GMEB2: variants seen among roughly 807,000 people sequenced by gnomAD.
GMEB2 encodes the protein glucocorticoid modulatory element-binding protein 2.
A neutral mutation model predicts 45.7 loss-of-function variants in GMEB2; 7 were observed. The ratio of observed to expected loss-of-function variants is 0.15; its 90% CI spans 0.09 to 0.29. GMEB2 has a LOEUF of 0.29. GMEB2 is among the 10% of genes least tolerant of loss of function. The pLI is 1.00. For missense variants in GMEB2, 582 were observed against 739.2 expected, an observed-to-expected ratio of 0.79 and a Z score of 2.47; for synonymous variants, 322 against 323.6, an observed-to-expected ratio of 1.00 and a Z score of 0.05.
intron 2 of GMEB2, among the ~76,000 whole-genome samples, chr20:63,616,065 T>C (rs887477579): frequency 6.6e-6 from 1 of 152,222 alleles, no homozygotes; most frequent in African/African-American, 2.4e-5. Flanking sequence ...GAAATAATTT[T>C]CTACCATATA....
chr20:63,615,905 CAT>C (rs1224934010), intron 2 of GMEB2, among the ~76,000 whole-genome samples: 2 of 152,138 alleles, frequency 1.3e-5, no homozygotes, highest in Admixed American at 1.3e-4. Context: ...AAGAAAAATT[CAT>C]ATGTTTCGAT....
chr20:63,606,204 G>A (rs979076898), intron 2 of GMEB2, among the ~76,000 whole-genome samples: 6 of 151,628 alleles, frequency 4.0e-5, no homozygotes, highest in Non-Finnish European at 5.9e-5. Flanking sequence ...GTATTAGAAG[G>A]AAAAAAATAA....
At chr20:63,623,193 A>G (rs1393797847) in intron 1 of GMEB2, among the ~76,000 whole-genome samples, 2 of 152,220 alleles carry the variant, frequency 1.3e-5, no homozygotes, top group Non-Finnish European at 2.9e-5. Flanking sequence ...TTACAAATTA[A>G]GAACATCCTG....
At chr20:63,599,792 C>A (rs889478962) in intron 4 of GMEB2, among the ~76,000 whole-genome samples, 1 of 152,198 alleles carries the variant, frequency 6.6e-6, no homozygotes, top group Non-Finnish European at 1.5e-5. Context: ...CACGTGCGTT[C>A]CGGACTCACT....
At chr20:63,595,997 G>T (rs1196118941) in intron 5 of GMEB2, among the ~76,000 whole-genome samples, 1 of 152,226 alleles carries the variant, frequency 6.6e-6, no homozygotes, top group Non-Finnish European at 1.5e-5. Flanking sequence ...CTGTCCCCAG[G>T]AAGGGGGCAA....
At chr20:63,614,301 T>A (rs866214669) in intron 2 of GMEB2, among the ~76,000 whole-genome samples, 1 of 151,926 alleles carries the variant, frequency 6.6e-6, no homozygotes, top group Non-Finnish European at 1.5e-5. Flanking sequence ...TAGGAAAAAC[T>A]AGGCCATACA....
rs983023715 is a variant in GMEB2 at position 63,604,221 on chromosome 20, T to C, written c.229+522A>G. Among the ~76,000 whole-genome samples the C allele has an allele frequency of 4.0e-5, 4 of 99,598 alleles. No individual in the cohort carries two copies. The Admixed American group carries it at 4.0e-4, about 10-fold the overall frequency. The allele number at this position is 99,598 out of a possible 152,430, so 65.3% of individuals were successfully genotyped here. On this transcript the variant is annotated intron_variant, in intron 3 of 9. Transcript: ENST00000370077. ...TCTTGAAAAAAAAAAAAAAAAAAAG[T>C]TTTTTAATTAGCTGGGTATGGTGGC...
chr20:63,616,546 A>G (rs1176872388), intron 2 of GMEB2, among the ~76,000 whole-genome samples: 1 of 152,274 alleles, frequency 6.6e-6, no homozygotes, highest in African/African-American at 2.4e-5. Flanking sequence ...AGAAGCGAGG[A>G]GCAGGAGGGT....
intron 4 of GMEB2, among the ~76,000 whole-genome samples, chr20:63,601,537 C>CT (rs34916384): frequency 0.5 from 72,283 of 145,004 alleles, 18,789 homozygotes; most frequent in Middle Eastern, 0.65. Flanking sequence ...GCTCTCTTTT[C>CT]TTTTTTTTTT....
intron 9 of GMEB2, 77 bp from the exon 10 acceptor site, chr20:63,590,806 GC>G: frequency 1.1e-6 from 1 of 925,284 alleles, no homozygotes; most frequent in Non-Finnish European, 1.5e-6. Context: ...GGGCAGACAC[GC>G]CACACCATCT....
chr20:63,620,520 C>G (rs762080177), intron 1 of GMEB2, among the ~76,000 whole-genome samples: 2 of 152,146 alleles, frequency 1.3e-5, no homozygotes, highest in Non-Finnish European at 2.9e-5. Flanking sequence ...TGTGTGTGAG[C>G]GCCTGGGTCG....
At position 63,619,202 on chromosome 20, in the gene GMEB2, G is replaced by A. The variant is rs548731844; in HGVS notation, c.131+65C>T. The stretch of plus-strand genomic sequence containing the variant: ...CTTGTCCCTTACTACGTTAATGCCA[G>A]CTGTGCCAAGGACAGCCCAACCCAA... On this transcript the variant is annotated intron_variant, in intron 2 of 9. Transcript: ENST00000370077. The surrounding 1 kb of genome is among the most constrained non-coding windows in gnomAD (Gnocchi z 4.6). 3.5e-6 allele frequency: 5 copies of A among 1,448,872 alleles called. No homozygotes were observed. The East Asian group carries it at 9.9e-5, about 29-fold the overall frequency. 89.8% of individuals were successfully genotyped at this position (1,448,872 alleles called of 1,614,324 possible).
At chr20:63,609,335 GCCAC>G (rs2089548585) in intron 2 of GMEB2, among the ~76,000 whole-genome samples, 3 of 90,300 alleles carry the variant, frequency 3.3e-5, no homozygotes, top group South Asian at 1.0e-3. Context: ...CTAGAAACAT[GCCAC>G]TCTGACCCCA....
chr20:63,598,822 A>G (rs1601011509), intron 4 of GMEB2, among the ~76,000 whole-genome samples: 1 of 152,208 alleles, frequency 6.6e-6, no homozygotes, highest in Admixed American at 6.5e-5. Flanking sequence ...GGAAGGCTGC[A>G]CTGGCTGTGA....
intron 1 of GMEB2, among the ~76,000 whole-genome samples, chr20:63,626,586 GGTCCCTGTGGGTCGC>G (rs2089675185): frequency 6.7e-6 from 1 of 150,186 alleles, no homozygotes; most frequent in Admixed American, 6.6e-5. Flanking sequence ...CCTGCGGGGT[GGTCCCTGTGGGTCGC>G]GTCCCTGCGG....
chr20:63,616,179 C>T (rs1047682303), intron 2 of GMEB2, among the ~76,000 whole-genome samples: 3 of 152,142 alleles, frequency 2.0e-5, no homozygotes, highest in Admixed American at 6.6e-5. Flanking sequence ...TACAGTGGCT[C>T]GCGCCTGTAA....
chr20:63,626,420 GGTGCCTGCGGGGTGGCCCCTGGGGATCGC>G, intron 1 of GMEB2, among the ~76,000 whole-genome samples: 1 of 139,018 alleles, frequency 7.2e-6, no homozygotes, highest in Non-Finnish European at 1.6e-5. Flanking sequence ...CTGCGGGTCG[GGTGCCTGCGGGGTGGCCCCTGGGGATCGC>G]GTCCCTGCGG....
At chr20:63,597,962 G>C in intron 4 of GMEB2, 102 bp from the exon 5 acceptor site, 1 of 742,092 alleles carries the variant, frequency 1.3e-6, no homozygotes, top group Admixed American at 1.8e-5. Flanking sequence ...GGCAGGAAAA[G>C]CGCCACGGCA....
intron 2 of GMEB2, among the ~76,000 whole-genome samples, chr20:63,610,297 G>C (rs930358448): frequency 1.3e-5 from 2 of 152,172 alleles, no homozygotes; most frequent in East Asian, 3.8e-4. Context: ...CGAGGCAGGC[G>C]GATCACAAGG....
Sources: allele counts gnomAD v4.1 joint callset (sites outside exome capture counted in the v4.1 genomes callset), GRCh38; gene constraint gnomAD v4.1.1; non-coding constraint Gnocchi (gnomAD v3.1); transcripts MANE v1.5; gene names NCBI Gene and HGNC (gene_info 2026-07-23, HGNC 2026-07-21).